HS3ST4: variants seen among roughly 807,000 people sequenced by gnomAD.
HS3ST4 encodes the protein heparan sulfate-glucosamine 3-sulfotransferase 4.
HS3ST4 carries 17 observed loss-of-function variants against 29.2 expected under a neutral mutation model. The observed-to-expected ratio is 0.58, with a 90% CI of 0.40 to 0.87. HS3ST4 has a LOEUF of 0.87. Among genes scored for constraint, HS3ST4 ranks in the 40% least tolerant of loss-of-function variants. The probability of loss-of-function intolerance (pLI) is 0.00; values close to 1 mark genes in which losing one functional copy is unlikely to be tolerated. For synonymous variants in HS3ST4, 314 were observed against 285.7 expected (o/e 1.10, Z -1.00); for missense variants, 627 against 634.5 (o/e 0.99, Z 0.13).
intron 1 of HS3ST4, among the ~76,000 whole-genome samples, chr16:26,086,274 T>G (rs1041345720): frequency 6.6e-6 from 1 of 152,246 alleles, no homozygotes; most frequent in Non-Finnish European, 1.5e-5. Flanking sequence ...TTATTTGTTA[T>G]CTATTGTCTG....
At position 25,768,061 on chromosome 16, in the gene HS3ST4, C is replaced by T. The variant is rs75106013; in HGVS notation, c.734+74910C>T. Among the ~76,000 whole-genome samples, 24 of 152,068 alleles carry T rather than the reference C, an allele frequency of 1.6e-4. No homozygotes were observed. The East Asian group carries it at 4.3e-3, about 27-fold the overall frequency. On this transcript the variant is annotated intron_variant, in intron 1 of 1. Coordinates refer to ENST00000331351, the MANE Select transcript of HS3ST4 (RefSeq NM_006040.3). Reference sequence around the variant, plus strand: ...TTTTACAGGGGGTGGCAGGGGAGTGCGGGGGAGCAGAAGCCCAGCAGAGAG... The same window carrying T: ...TTTTACAGGGGGTGGCAGGGGAGTGTGGGGGAGCAGAAGCCCAGCAGAGAG...
chr16:25,719,792 G>T (rs1567226500), intron 1 of HS3ST4, among the ~76,000 whole-genome samples: 1 of 152,162 alleles, frequency 6.6e-6, no homozygotes, highest in Non-Finnish European at 1.5e-5. Context: ...ACATCCTCCT[G>T]CCCATAACTG....
intron 1 of HS3ST4, among the ~76,000 whole-genome samples, chr16:25,770,443 C>G (rs954713652): frequency 6.6e-6 from 1 of 152,180 alleles, no homozygotes; most frequent in Non-Finnish European, 1.5e-5. Context: ...GCTTATAGAT[C>G]GAAAGACTAA....
intron 1 of HS3ST4, among the ~76,000 whole-genome samples, chr16:25,927,784 C>A (rs907464852): frequency 1.3e-5 from 2 of 151,810 alleles, no homozygotes; most frequent in Non-Finnish European, 2.9e-5. Flanking sequence ...TTTCTCCATT[C>A]ATCCATCAAT....
At chr16:25,883,184 T>C (rs1368643870) in intron 1 of HS3ST4, among the ~76,000 whole-genome samples, 1 of 149,392 alleles carries the variant, frequency 6.7e-6, no homozygotes, top group Non-Finnish European at 1.5e-5. Flanking sequence ...AAAATCTCAT[T>C]CTCACAGATC....
At chr16:26,075,066 G>A (rs992107344) in intron 1 of HS3ST4, among the ~76,000 whole-genome samples, 5 of 152,248 alleles carry the variant, frequency 3.3e-5, no homozygotes, top group East Asian at 1.9e-4. Flanking sequence ...GGTGGTACGC[G>A]CCTGTAGTCC....
chr16:25,899,195 G>A (rs1368416342), intron 1 of HS3ST4, among the ~76,000 whole-genome samples: 1 of 152,210 alleles, frequency 6.6e-6, no homozygotes, highest in Non-Finnish European at 1.5e-5. Context: ...TTACTCCAGT[G>A]TTGTCTTCTG....
intron 1 of HS3ST4, among the ~76,000 whole-genome samples, chr16:25,824,328 C>T (rs960138305): frequency 1.3e-5 from 2 of 152,164 alleles, no homozygotes; most frequent in African/African-American, 4.8e-5. Flanking sequence ...TCCCAGTTGC[C>T]ATGTGTATTG....
At chr16:25,966,261 C>T (rs577707880) in intron 1 of HS3ST4, among the ~76,000 whole-genome samples, 1 of 152,256 alleles carries the variant, frequency 6.6e-6, no homozygotes, top group East Asian at 1.9e-4. Flanking sequence ...TCAGTGCCTG[C>T]ACACTTGACC....
chr16:25,710,315 C>A (rs1966406799), intron 1 of HS3ST4, among the ~76,000 whole-genome samples: 1 of 152,140 alleles, frequency 6.6e-6, no homozygotes, highest in Admixed American at 6.6e-5. Context: ...AAAATTATAT[C>A]CTGGAGGATC....
intron 1 of HS3ST4, among the ~76,000 whole-genome samples, chr16:26,009,916 T>C (rs1191555323): frequency 6.6e-6 from 1 of 152,200 alleles, no homozygotes; most frequent in African/African-American, 2.4e-5. Flanking sequence ...CCTTGGGGAA[T>C]CAGCTCTGCA....
intron 1 of HS3ST4, among the ~76,000 whole-genome samples, chr16:26,111,668 A>G (rs1336228527): frequency 1.3e-5 from 2 of 152,104 alleles, no homozygotes; most frequent in Non-Finnish European, 1.5e-5. Flanking sequence ...TTTAAACTGA[A>G]CACATAGATT....
At chr16:25,886,576 G>A (rs987060566) in intron 1 of HS3ST4, among the ~76,000 whole-genome samples, 1 of 152,196 alleles carries the variant, frequency 6.6e-6, no homozygotes, top group Non-Finnish European at 1.5e-5. Flanking sequence ...TCTTTAGGGT[G>A]AGAAAGTTCT....
At chr16:26,014,128 G>A (rs963108512) in intron 1 of HS3ST4, among the ~76,000 whole-genome samples, 20 of 151,808 alleles carry the variant, frequency 1.3e-4, no homozygotes, top group African/African-American at 4.1e-4. Flanking sequence ...TTCCTTTGTG[G>A]CAATTCTCAT....
intron 1 of HS3ST4, among the ~76,000 whole-genome samples, chr16:25,950,014 C>T (rs12919336): frequency 0.3 from 45,316 of 152,052 alleles, 7,141 homozygotes; most frequent in Non-Finnish European, 0.34. Context: ...GTGCACACCC[C>T]TTGCAGAAGG....
At chr16:26,109,013 A>T (rs1304610356) in intron 1 of HS3ST4, among the ~76,000 whole-genome samples, 1 of 152,176 alleles carries the variant, frequency 6.6e-6, no homozygotes, top group Non-Finnish European at 1.5e-5. Context: ...AGAGACACAG[A>T]GTAACCTAGA....
chr16:26,103,687 A>G (rs1379706778), intron 1 of HS3ST4, among the ~76,000 whole-genome samples: 1 of 152,214 alleles, frequency 6.6e-6, no homozygotes, highest in African/African-American at 2.4e-5. Context: ...AGCTTAATTA[A>G]TCTAACACTA....
At position 26,073,994 on chromosome 16, in the gene HS3ST4, C is replaced by T. The variant is rs117164102; in HGVS notation, c.735-61618C>T. Among the ~76,000 whole-genome samples the T allele has an allele frequency of 1.3e-3, 191 of 152,222 alleles. 2 individuals carry two copies. In the East Asian group the frequency reaches 0.032, roughly 26 times the overall value. On this transcript the variant is annotated intron_variant, in intron 1 of 1. Coordinates refer to ENST00000331351, the MANE Select transcript of HS3ST4 (RefSeq NM_006040.3). ...AATTATAGCAATTGGTAGAGAAGCC[C>T]GTGTTTGTACCATCAAGACCTTGCA...
chr16:25,973,320 A>G (rs1292435811), intron 1 of HS3ST4, among the ~76,000 whole-genome samples: 1 of 152,222 alleles, frequency 6.6e-6, no homozygotes, highest in Admixed American at 6.5e-5. Context: ...TTATGATGAG[A>G]AATGCCGTAG....
Sources: allele counts gnomAD v4.1 joint callset (sites outside exome capture counted in the v4.1 genomes callset), GRCh38; gene constraint gnomAD v4.1.1; transcripts MANE v1.5; gene names NCBI Gene and HGNC (gene_info 2026-07-23, HGNC 2026-07-21).